The following GSE1 variants were observed in gnomAD, a reference collection of about 807,000 sequenced individuals.
GSE1 encodes genetic suppressor element 1.
In GSE1, 32 loss-of-function variants were observed where a neutral mutation model predicts 112.6. The ratio of observed to expected loss-of-function variants is 0.28; its 90% CI spans 0.21 to 0.38. The LOEUF (loss-of-function observed/expected upper bound fraction) is 0.38. GSE1 is among the 10% of genes least tolerant of loss of function. GSE1 has a pLI of 1.00. For missense variants in GSE1, 2,348 were observed against 1,699.2 expected, an observed-to-expected ratio of 1.38 and a Z score of -6.71; for synonymous variants, 1,115 against 735.6, an observed-to-expected ratio of 1.52 and a Z score of -8.35.
chr16:85,531,748 G>C (rs1248935818), intron 2 of GSE1, among the ~76,000 whole-genome samples: 3 of 152,204 alleles, frequency 2.0e-5, no homozygotes, highest in Non-Finnish European at 4.4e-5. Flanking sequence ...CCCCAGGATG[G>C]ACCGGATGGC....
At chr16:85,484,751 C>G (rs1052937997) in intron 2 of GSE1, among the ~76,000 whole-genome samples, 1 of 152,266 alleles carries the variant, frequency 6.6e-6, no homozygotes, top group Non-Finnish European at 1.5e-5. Flanking sequence ...CAGAGTCCCT[C>G]TCAGCCACTC....
chr16:85,620,608 G>A (rs986782292), intron 1 of GSE1, among the ~76,000 whole-genome samples: 6 of 152,262 alleles, frequency 3.9e-5, no homozygotes, highest in East Asian at 3.8e-4. Flanking sequence ...GGGAGGGTGC[G>A]GTTAGTCACC....
At chr16:85,220,125 T>G (rs1157378265) in intron 1 of GSE1, among the ~76,000 whole-genome samples, 2 of 152,238 alleles carry the variant, frequency 1.3e-5, no homozygotes, top group African/African-American at 4.8e-5. Flanking sequence ...CCCTCACCCT[T>G]TCTCAAGGAG....
chr16:85,519,851 T>G (rs1345064411), intron 2 of GSE1, among the ~76,000 whole-genome samples: 1 of 152,204 alleles, frequency 6.6e-6, no homozygotes, highest in Admixed American at 6.5e-5. Context: ...CTCCCCTTCC[T>G]TCCTGAGACT....
At chr16:85,650,659 T>G (rs1382550811) in intron 3 of GSE1, among the ~76,000 whole-genome samples, 1 of 152,190 alleles carries the variant, frequency 6.6e-6, no homozygotes, top group African/African-American at 2.4e-5. Flanking sequence ...CGGCGCTTAA[T>G]GGAACACGGT....
exon 1 of GSE1, chr16:85,169,857 C>A: frequency 1.0e-6 from 1 of 984,512 alleles, no homozygotes; most frequent in Non-Finnish European, 1.2e-6. Context: ...TGGACAAGCG[C>A]ATGTACTGGC....
At chr16:85,248,692 C>G (rs1217038662) in intron 1 of GSE1, among the ~76,000 whole-genome samples, 1 of 152,242 alleles carries the variant, frequency 6.6e-6, no homozygotes, top group Non-Finnish European at 1.5e-5. Context: ...GGAACCTTAT[C>G]TTGGCTAGAA....
chr16:85,389,914 C>T (rs556126197), intron 2 of GSE1, among the ~76,000 whole-genome samples: 9 of 152,286 alleles, frequency 5.9e-5, no homozygotes, highest in Non-Finnish European at 1.5e-5. Flanking sequence ...GGCAATGAGG[C>T]CTTACACAGA....
At chr16:85,503,652 C>T (rs909647676) in intron 2 of GSE1, among the ~76,000 whole-genome samples, 1 of 152,138 alleles carries the variant, frequency 6.6e-6, no homozygotes, top group South Asian at 2.1e-4. Context: ...CCTTAACTGT[C>T]GGGGCTGAAC....
At chr16:85,455,299 G>A (rs1386151004) in intron 2 of GSE1, among the ~76,000 whole-genome samples, 1 of 152,064 alleles carries the variant, frequency 6.6e-6, no homozygotes, top group Non-Finnish European at 1.5e-5. Context: ...CGGGAGGATC[G>A]CTTGAGTTTG....
chr16:85,672,497 A>C lies in GSE1; in HGVS notation c.3612A>C (p.Ala1204=). Residue 1204 remains alanine (A), a synonymous_variant, in exon 16 of 16, where the codon GCA becomes GCC. Transcript: ENST00000253458. ...DHLRKCLALP[A]MHWPRGYLKG... ...TACGAAAGTGCCTTGCCTTGCCTGC[A>C]ATGCACTGGCCTAGGGGCTACCTGA... 6.2e-7 allele frequency: 1 copy of C among 1,613,220 alleles called. No individual in the cohort carries two copies. The highest frequency in any genetic ancestry group is 1.1e-5 in the South Asian group (1 of 90,968).
At chr16:85,658,544 C>G (rs1427307600) in intron 8 of GSE1, among the ~76,000 whole-genome samples, 1 of 152,240 alleles carries the variant, frequency 6.6e-6, no homozygotes, top group Non-Finnish European at 1.5e-5. Context: ...CTGCCTGCCT[C>G]CGTTATCCAG....
At chr16:85,620,196 G>A (rs1460327010) in intron 1 of GSE1, among the ~76,000 whole-genome samples, 1 of 152,212 alleles carries the variant, frequency 6.6e-6, no homozygotes, top group East Asian at 1.9e-4. Context: ...TGGGCAGGGA[G>A]GATCACTTGA....
chr16:85,336,775 A>T (rs558550801), intron 1 of GSE1, among the ~76,000 whole-genome samples: 58 of 152,072 alleles, frequency 3.8e-4, no homozygotes, highest in Admixed American at 3.3e-3. Context: ...CCTTGCCCTC[A>T]CAATTCTTAT....
chr16:85,312,046 G>T (rs2045863570), intron 1 of GSE1, among the ~76,000 whole-genome samples: 1 of 152,296 alleles, frequency 6.6e-6, no homozygotes, highest in African/African-American at 2.4e-5. Flanking sequence ...GGTGGCCCAG[G>T]CTGGCTTGGC....
chr16:85,586,640 C>T (rs527430547), intron 1 of GSE1, among the ~76,000 whole-genome samples: 3 of 152,308 alleles, frequency 2.0e-5, no homozygotes, highest in South Asian at 2.1e-4. Context: ...CCGGCCCCCG[C>T]GCCCCCCCGA....
intron 1 of GSE1, among the ~76,000 whole-genome samples, chr16:85,219,391 T>C (rs2075355425): frequency 6.6e-6 from 1 of 152,186 alleles, no homozygotes; most frequent in Non-Finnish European, 1.5e-5. Flanking sequence ...AGAATAATCT[T>C]TGTGGGGAGC....
chr16:85,306,386 T>A (rs16975511), intron 1 of GSE1: 6,100 of 154,004 alleles, frequency 0.04, 198 homozygotes, highest in African/African-American at 0.081. Context: ...GAAGTGGGGC[T>A]GCGTCATCAC....
intron 1 of GSE1, among the ~76,000 whole-genome samples, chr16:85,205,061 T>C (rs2075091807): frequency 1.1e-5 from 1 of 91,376 alleles, no homozygotes; most frequent in South Asian, 3.1e-4. Context: ...CTTGGCTCAC[T>C]GGATCTCCCC....
Sources: allele counts gnomAD v4.1 joint callset (sites outside exome capture counted in the v4.1 genomes callset), GRCh38; gene constraint gnomAD v4.1.1; transcripts MANE v1.5; gene names NCBI Gene and HGNC (gene_info 2026-07-23, HGNC 2026-07-21).